MICAL3: variants seen among roughly 807,000 people sequenced by gnomAD.
MICAL3 encodes [F-actin]-monooxygenase MICAL3.
In MICAL3, 62 loss-of-function variants were observed where a neutral mutation model predicts 207.4. The ratio of observed to expected loss-of-function variants is 0.30; its 90% CI spans 0.24 to 0.37. The LOEUF (loss-of-function observed/expected upper bound fraction) is 0.37. Among genes scored for constraint, MICAL3 ranks in the 10% least tolerant of loss-of-function variants. The pLI is 1.00. For missense variants in MICAL3, 2,368 were observed against 2,635.6 expected (o/e 0.90, Z 2.22); for synonymous variants, 1,077 against 1,069.3 (o/e 1.01, Z -0.14).
intron 19 of MICAL3, among the ~76,000 whole-genome samples, chr22:17,855,603 T>C (rs1301377195): frequency 6.6e-6 from 1 of 152,212 alleles, no homozygotes; most frequent in African/African-American, 2.4e-5. Flanking sequence ...AAACGAAGGA[T>C]GATATAGAGA....
chr22:17,907,064 G>C (rs540738596), intron 1 of MICAL3, among the ~76,000 whole-genome samples, 178 bp from the exon 2 acceptor site: 21 of 152,208 alleles, frequency 1.4e-4, no homozygotes, highest in Non-Finnish European at 3.1e-4. Context: ...AGGTGAGCAG[G>C]ATGGTTCTTG....
chr22:18,002,972 C>A (rs886308637), intron 1 of MICAL3, among the ~76,000 whole-genome samples: 2 of 151,986 alleles, frequency 1.3e-5, no homozygotes, highest in Admixed American at 6.6e-5. Context: ...CTGGATAACA[C>A]GGTGAAACCC....
chr22:17,998,056 CT>C (rs1177892425), intron 1 of MICAL3, among the ~76,000 whole-genome samples: 1 of 150,652 alleles, frequency 6.6e-6, no homozygotes, highest in Admixed American at 6.6e-5. Context: ...AATCTCAGCA[CT>C]TTGGAAGGCC....
In MICAL3 at chr22:18,012,413, G is replaced by A. The variant is rs1002000118; in HGVS notation, c.-75+11868C>T. Reference sequence around the variant, plus strand: ...CTCAGGCCTCGGCCCTCATGGGGAGGGACCCTCTTTCAAACTTTTGGAGGG... The same window carrying A: ...CTCAGGCCTCGGCCCTCATGGGGAGAGACCCTCTTTCAAACTTTTGGAGGG... On this transcript the variant is annotated intron_variant, in intron 1 of 31. Transcript: ENST00000441493. Among the ~76,000 whole-genome samples the A allele has an allele frequency of 5.3e-5, 8 of 152,304 alleles. No homozygotes were observed. In the East Asian group the frequency reaches 1.5e-3, roughly 29 times the overall value.
intron 1 of MICAL3, among the ~76,000 whole-genome samples, chr22:18,023,739 T>C (rs1048530816): frequency 1.3e-5 from 2 of 152,204 alleles, no homozygotes; most frequent in Non-Finnish European, 2.9e-5. Flanking sequence ...CCACTGGTCC[T>C]GGGCCACCAC....
rs111653868 is a variant in MICAL3 at position 17,872,438 on chromosome 22, T to G, written c.2242-415A>C. Among the ~76,000 whole-genome samples the G allele has an allele frequency of 3.9e-3, 595 of 152,126 alleles. 4 individuals carry two copies. The highest frequency in any genetic ancestry group is 0.013 in the African/African-American group (555 of 41,510). ...AGGGGCATGATGGAAAACACACACA[T>G]GGAAGAAGGCAGGAAGGGGCCCGAG... On this transcript the variant is annotated intron_variant, in intron 16 of 31. Transcript: ENST00000441493.
intron 1 of MICAL3, among the ~76,000 whole-genome samples, chr22:17,923,323 C>T (rs1932841188): frequency 6.6e-6 from 1 of 152,206 alleles, no homozygotes; most frequent in African/African-American, 2.4e-5. Flanking sequence ...CTCCCAAAGA[C>T]CAGTTGCCAA....
intron 16 of MICAL3, chr22:17,876,770 A>AGTTATGGAGGTTAGGGAGGTTAGGGAG (rs1928441364): frequency 4.3e-5 from 2 of 46,370 alleles, no homozygotes; most frequent in Admixed American, 2.2e-4. Context: ...AGGTTAGGGA[A>AGTTATGGAGGTTAGGGAGGTTAGGGAG]GTTATGGAGG....
chr22:17,966,052 G>C (rs1569150144), intron 1 of MICAL3, among the ~76,000 whole-genome samples: 1 of 152,238 alleles, frequency 6.6e-6, no homozygotes, highest in Non-Finnish European at 1.5e-5. Flanking sequence ...GAACTAGAGA[G>C]GAGTCGGAGG....
intron 1 of MICAL3, among the ~76,000 whole-genome samples, chr22:18,021,454 C>T (rs1924471364): frequency 1.3e-5 from 2 of 152,372 alleles, no homozygotes; most frequent in African/African-American, 4.8e-5. Flanking sequence ...CCAGCTCAGC[C>T]AGGTAAGTAC....
intron 1 of MICAL3, among the ~76,000 whole-genome samples, chr22:17,924,705 C>T (rs1932875161): frequency 6.6e-6 from 1 of 152,216 alleles, no homozygotes; most frequent in African/African-American, 2.4e-5. Flanking sequence ...CATGGACGTA[C>T]TTTGTTAAAG....
At chr22:17,998,560 ATTATTT>A (rs1569162274) in intron 1 of MICAL3, among the ~76,000 whole-genome samples, 4 of 143,978 alleles carry the variant, frequency 2.8e-5, no homozygotes, top group Non-Finnish European at 6.1e-5. Flanking sequence ...TATTATTATT[ATTATTT>A]TTTTTTTGAG....
At chr22:17,964,295 T>C (rs1351302463) in intron 1 of MICAL3, among the ~76,000 whole-genome samples, 6 of 152,142 alleles carry the variant, frequency 3.9e-5, no homozygotes, top group African/African-American at 1.4e-4. Context: ...TTCCCTCACA[T>C]CCCTCTCCTC....
chr22:17,975,181 A>T (rs933021558), intron 1 of MICAL3, among the ~76,000 whole-genome samples: 1 of 152,216 alleles, frequency 6.6e-6, no homozygotes, highest in South Asian at 2.1e-4. Flanking sequence ...GTTCTGCAGA[A>T]GGGAAAGGCC....
In MICAL3 at chr22:17,969,550, CTT is replaced by C. The variant is rs145187981; in HGVS notation, c.-75+54729_-75+54730del. Reference sequence around the variant, plus strand: ...TTTTTCTCTTCCTTCCTTCTTCCTTCTTCCCTGCCACCTTTATTCCTTTTTTG... The same window carrying C: ...TTTTTCTCTTCCTTCCTTCTTCCTTCCCCTGCCACCTTTATTCCTTTTTTG... On this transcript the variant is annotated intron_variant, in intron 1 of 31. Coordinates refer to ENST00000441493, the MANE Select transcript of MICAL3 (RefSeq NM_015241.3). 8.8e-3 allele frequency among the ~76,000 whole-genome samples: 1,337 copies of C among 152,048 alleles called. 22 individuals carry two copies. Among genetic ancestry groups the C allele is most frequent in the African/African-American group, 0.027 (1,117 of 41,326 alleles).
chr22:17,820,952 A>AAATTTTAATAAATTTATGTTTATAAACG (rs1921556782), intron 25 of MICAL3, among the ~76,000 whole-genome samples: 1 of 142,694 alleles, frequency 7.0e-6, no homozygotes, highest in Non-Finnish European at 1.5e-5. Context: ...GTTTATAAAC[A>AAATTTTAATAAATTTATGTTTATAAACG]TAAATTTTAA....
At chr22:17,828,225 G>T (rs973212461) in intron 21 of MICAL3, among the ~76,000 whole-genome samples, 1 of 152,190 alleles carries the variant, frequency 6.6e-6, no homozygotes. Context: ...GCACTATCCT[G>T]CCCCTCTGCT....
At chr22:17,918,922 C>A (rs779486781) in intron 1 of MICAL3, among the ~76,000 whole-genome samples, 1 of 152,196 alleles carries the variant, frequency 6.6e-6, no homozygotes, top group Non-Finnish European at 1.5e-5. Flanking sequence ...AGGGCACGAG[C>A]CTTCTAATGC....
chr22:17,999,561 C>G (rs1922693402), intron 1 of MICAL3, among the ~76,000 whole-genome samples: 1 of 152,136 alleles, frequency 6.6e-6, no homozygotes, highest in Non-Finnish European at 1.5e-5. Flanking sequence ...AAGGACTGTG[C>G]TAAGTTCTTC....
Sources: allele counts gnomAD v4.1 joint callset (sites outside exome capture counted in the v4.1 genomes callset), GRCh38; gene constraint gnomAD v4.1.1; transcripts MANE v1.5; gene names NCBI Gene and HGNC (gene_info 2026-07-23, HGNC 2026-07-21).